The following TENM4 variants were observed in gnomAD, a reference collection of about 807,000 sequenced individuals.
TENM4 encodes teneurin transmembrane protein 4, also known as teneurin-4.
In TENM4, 82 loss-of-function variants were observed where a neutral mutation model predicts 243.3. The ratio of observed to expected loss-of-function variants is 0.34; its 90% confidence interval spans 0.28 to 0.40. The LOEUF is 0.40. Ranked by LOEUF, TENM4 falls within the 10% of genes least tolerant of loss-of-function variation. The pLI, the probability that TENM4 is intolerant of heterozygous loss-of-function variation, is 1.00. For synonymous variants in TENM4, 1,412 were observed against 1,456.3 expected, an observed-to-expected ratio of 0.97 and a Z score of 0.69; for missense variants, 3,138 against 3,673.3, an observed-to-expected ratio of 0.85 and a Z score of 3.77.
At chr11:79,047,234 C>T (rs574809170) in intron 6 of TENM4, among the ~76,000 whole-genome samples, 1 of 152,180 alleles carries the variant, frequency 6.6e-6, no homozygotes, top group African/African-American at 2.4e-5. Context: ...AATTCCCCCT[C>T]CCTCCACAAA....
At chr11:78,822,991 G>A (rs1216425174) in intron 12 of TENM4, among the ~76,000 whole-genome samples, 1 of 152,172 alleles carries the variant, frequency 6.6e-6, no homozygotes, top group Non-Finnish European at 1.5e-5. Flanking sequence ...CGGCCCCGAG[G>A]TTAGCCTCCT....
At chr11:79,404,132 A>G (rs1262416993) in intron 1 of TENM4, among the ~76,000 whole-genome samples, 7 of 152,268 alleles carry the variant, frequency 4.6e-5, no homozygotes, top group Non-Finnish European at 1.0e-4. Context: ...CCTCATCTGG[A>G]CTAAAGCTGG....
intron 3 of TENM4, among the ~76,000 whole-genome samples, chr11:79,183,832 C>T (rs548220884): frequency 6.6e-5 from 10 of 151,802 alleles, no homozygotes; most frequent in Non-Finnish European, 1.5e-4. Flanking sequence ...ATTAGGATGG[C>T]TTATCAAAAA....
intron 4 of TENM4, among the ~76,000 whole-genome samples, chr11:79,095,531 G>A (rs914155453): frequency 2.0e-5 from 3 of 152,180 alleles, no homozygotes; most frequent in African/African-American, 7.2e-5. Flanking sequence ...TATAAAACGG[G>A]ATGGACTCCC....
chr11:78,862,059 C>T lies in TENM4; in HGVS notation c.1255+903G>A, dbSNP rs574090150. Reference sequence around the variant, plus strand: ...AACATGGGCCTATGGATATCCCACTCAGGAATAGCAAACCCAATGCCACCA... The same window carrying T: ...AACATGGGCCTATGGATATCCCACTTAGGAATAGCAAACCCAATGCCACCA... On this transcript the variant is annotated intron_variant, in intron 10 of 33. Coordinates refer to ENST00000278550, the MANE Select transcript of TENM4 (RefSeq NM_001098816.3). Among the ~76,000 whole-genome samples the T allele has an allele frequency of 4.6e-5, 7 of 152,280 alleles. No homozygotes were observed. In the East Asian group the frequency reaches 1.4e-3, roughly 29 times the overall value.
At chr11:78,765,238 A>G (rs1856519169) in intron 18 of TENM4, among the ~76,000 whole-genome samples, 1 of 152,234 alleles carries the variant, frequency 6.6e-6, no homozygotes, top group African/African-American at 2.4e-5. Flanking sequence ...TTGCTATAAT[A>G]AATTCTGTGC....
chr11:78,849,641 G>A (rs532881039), intron 12 of TENM4, among the ~76,000 whole-genome samples: 5 of 152,302 alleles, frequency 3.3e-5, no homozygotes, highest in South Asian at 2.1e-4. Context: ...TACCAAAAAC[G>A]GGGGTTTGAT....
At chr11:79,300,955 C>T (rs1350558958) in intron 1 of TENM4, among the ~76,000 whole-genome samples, 2 of 152,150 alleles carry the variant, frequency 1.3e-5, no homozygotes, top group Non-Finnish European at 2.9e-5. Flanking sequence ...CACTACTACT[C>T]ACAGCCAATC....
At chr11:79,364,813 C>G (rs1004476418) in intron 1 of TENM4, among the ~76,000 whole-genome samples, 20 of 152,274 alleles carry the variant, frequency 1.3e-4, no homozygotes, top group Admixed American at 5.2e-4. Flanking sequence ...TACTAATTGT[C>G]CTACATTTGC....
chr11:79,027,737 A>G (rs186010481), intron 6 of TENM4, among the ~76,000 whole-genome samples: 5 of 152,312 alleles, frequency 3.3e-5, no homozygotes. Flanking sequence ...CATAGGAGAC[A>G]TATTTCATTC....
chr11:79,113,138 CT>C (rs1376282219), intron 4 of TENM4, among the ~76,000 whole-genome samples: 1 of 152,112 alleles, frequency 6.6e-6, no homozygotes, highest in Non-Finnish European at 1.5e-5. Flanking sequence ...AAAATCTACT[CT>C]TTGTTTTATC....
intron 1 of TENM4, among the ~76,000 whole-genome samples, chr11:79,340,987 T>C (rs565268226): frequency 8.5e-5 from 13 of 152,234 alleles, no homozygotes; most frequent in Admixed American, 3.3e-4. Flanking sequence ...AGGGTTCTTA[T>C]AAGAGGACAG....
intron 1 of TENM4, among the ~76,000 whole-genome samples, chr11:79,372,626 G>C (rs556321154): frequency 3.7e-4 from 56 of 152,308 alleles, no homozygotes; most frequent in African/African-American, 1.3e-3. Flanking sequence ...GCAACAACCA[G>C]GCTTTGAGAA....
At chr11:78,829,501 G>A (rs1184624083) in intron 12 of TENM4, among the ~76,000 whole-genome samples, 1 of 152,120 alleles carries the variant, frequency 6.6e-6, no homozygotes, top group Non-Finnish European at 1.5e-5. Flanking sequence ...TTAATAGTAG[G>A]TAAAATGAAA....
At chr11:78,789,510 A>G (rs912911153) in intron 15 of TENM4, among the ~76,000 whole-genome samples, 1 of 152,016 alleles carries the variant, frequency 6.6e-6, no homozygotes, top group African/African-American at 2.4e-5. Context: ...CTTCCTGGTG[A>G]CTCTGGAGGC....
At chr11:79,149,433 G>A (rs1000527834) in intron 3 of TENM4, among the ~76,000 whole-genome samples, 4 of 151,916 alleles carry the variant, frequency 2.6e-5, no homozygotes, top group African/African-American at 9.7e-5. Flanking sequence ...CACAACTTTT[G>A]ATATTTAATA....
intron 10 of TENM4, 38 bp from the exon 11 acceptor site, chr11:78,856,216 G>C (rs748565212): frequency 6.5e-7 from 1 of 1,535,070 alleles, no homozygotes; most frequent in East Asian, 2.5e-5. Context: ...AAGACATCTC[G>C]GTTAGCCACA....
At chr11:79,386,909 T>G (rs1296663315) in intron 1 of TENM4, among the ~76,000 whole-genome samples, 1 of 152,022 alleles carries the variant, frequency 6.6e-6, no homozygotes, top group Non-Finnish European at 1.5e-5. Context: ...ACCCAGAAAC[T>G]CCACCCCAAG....
chr11:78,827,941 T>G (rs1857894498), intron 12 of TENM4, among the ~76,000 whole-genome samples: 1 of 152,244 alleles, frequency 6.6e-6, no homozygotes, highest in South Asian at 2.1e-4. Flanking sequence ...TGTATAAGTA[T>G]GGCTGTTTTC....
Sources: allele counts gnomAD v4.1 joint callset (sites outside exome capture counted in the v4.1 genomes callset), GRCh38; gene constraint gnomAD v4.1.1; transcripts MANE v1.5; gene names NCBI Gene and HGNC (gene_info 2026-07-23, HGNC 2026-07-21).